GPHN: variants seen among roughly 807,000 people sequenced by gnomAD.
The protein encoded by GPHN is gephyrin.
Under a neutral mutation model 95.5 loss-of-function variants are expected in GPHN, and 17 were observed. The observed-to-expected ratio is 0.18, with a 90% CI of 0.12 to 0.27. The LOEUF (loss-of-function observed/expected upper bound fraction) is 0.27, where lower values mean the gene tolerates loss of function less well. Among genes scored for constraint, GPHN ranks in the 10% least tolerant of loss-of-function variants. GPHN has a pLI of 1.00. For missense variants in GPHN, 660 were observed against 978.1 expected (o/e 0.67, Z 4.34); for synonymous variants, 320 against 322.5 (o/e 0.99, Z 0.08).
chr14:67,137,587 A>G (rs2080171364), intron 17 of GPHN, among the ~76,000 whole-genome samples: 1 of 150,486 alleles, frequency 6.6e-6, no homozygotes, highest in Non-Finnish European at 1.5e-5. Flanking sequence ...AACATGGTGA[A>G]ACCCTGTCTA....
At chr14:67,574,473 CG>C in the GPHN span, 1 of 1,290,306 alleles carries the variant, frequency 7.8e-7, no homozygotes, top group Non-Finnish European at 1.0e-6. The surrounding 1 kb of genome is among the most constrained non-coding windows in gnomAD (Gnocchi z 4.2). Flanking sequence ...ATTGGGGTGC[CG>C]AGGGTGGTGG....
the GPHN span, among the ~76,000 whole-genome samples, chr14:67,266,939 A>G: frequency 6.6e-6 from 1 of 151,758 alleles, no homozygotes; most frequent in African/African-American, 2.4e-5. Context: ...GTGAAACCCT[A>G]TCTCTACTAA....
At chr14:67,242,798 T>A in the GPHN span, among the ~76,000 whole-genome samples, 1 of 152,190 alleles carries the variant, frequency 6.6e-6, no homozygotes, top group South Asian at 2.1e-4. Flanking sequence ...CTGGTAAATT[T>A]TACCATGTAC....
the GPHN span, chr14:67,651,489 G>A: frequency 6.2e-7 from 1 of 1,613,316 alleles, no homozygotes; most frequent in Non-Finnish European, 8.5e-7. Context: ...ACTCTACAAA[G>A]AGAAGCAAAG....
intron 2 of GPHN, among the ~76,000 whole-genome samples, chr14:66,700,347 G>A (rs2068444185): frequency 6.6e-6 from 1 of 152,158 alleles, no homozygotes; most frequent in Non-Finnish European, 1.5e-5. Context: ...CTGTGTGAGA[G>A]AAGTAAAATA....
chr14:67,223,342 T>C, the GPHN span, among the ~76,000 whole-genome samples: 1 of 152,228 alleles, frequency 6.6e-6, no homozygotes, highest in Non-Finnish European at 1.5e-5. Context: ...TGAACTTCAC[T>C]GTAATGTGGT....
At chr14:67,200,372 C>T in the GPHN span, 7 of 622,670 alleles carry the variant, frequency 1.1e-5, no homozygotes, top group South Asian at 7.5e-5. Context: ...AATATCTTTT[C>T]GATACCTTGG....
chr14:67,191,881 A>G, the GPHN span, among the ~76,000 whole-genome samples: 1 of 152,256 alleles, frequency 6.6e-6, no homozygotes, highest in Non-Finnish European at 1.5e-5. Flanking sequence ...ACACTTTGTC[A>G]AATGAAAACT....
intron 8 of GPHN, among the ~76,000 whole-genome samples, chr14:66,940,242 AG>A (rs1322462851): frequency 6.6e-6 from 1 of 151,268 alleles, no homozygotes; most frequent in African/African-American, 2.4e-5. Flanking sequence ...AAAAAAAAAA[AG>A]AAGGCGTTTT....
At chr14:67,477,299 C>T in the GPHN span, among the ~76,000 whole-genome samples, 1 of 152,212 alleles carries the variant, frequency 6.6e-6, no homozygotes, top group Non-Finnish European at 1.5e-5. Context: ...CAATCCAGCT[C>T]TTCCTGTCTT....
At chr14:67,271,402 C>A in the GPHN span, 2 of 152,238 alleles carry the variant, frequency 1.3e-5, no homozygotes, top group African/African-American at 2.4e-5. Context: ...GTTTGGCCTT[C>A]TGCTGGGCAA....
chr14:66,611,493 AT>A (rs2062782443), intron 1 of GPHN, among the ~76,000 whole-genome samples: 1 of 152,140 alleles, frequency 6.6e-6, no homozygotes, highest in Non-Finnish European at 1.5e-5. Flanking sequence ...TTTTGCTTTT[AT>A]AGTAGTTCCA....
chr14:66,756,655 T>A (rs1444526880), intron 2 of GPHN, among the ~76,000 whole-genome samples: 1 of 152,224 alleles, frequency 6.6e-6, no homozygotes, highest in East Asian at 1.9e-4. Flanking sequence ...TACTGTCTTT[T>A]GGATGGCAAC....
chr14:66,625,084 TC>T (rs760386168), intron 1 of GPHN, among the ~76,000 whole-genome samples: 6 of 152,054 alleles, frequency 3.9e-5, no homozygotes, highest in Non-Finnish European at 7.4e-5. Context: ...TCTTTTTTTT[TC>T]TTCTTCTTCT....
At chr14:67,361,359 C>A in the GPHN span, among the ~76,000 whole-genome samples, 1 of 152,206 alleles carries the variant, frequency 6.6e-6, no homozygotes, top group Non-Finnish European at 1.5e-5. Flanking sequence ...ATTCTTAGTT[C>A]ATCTGGTGCC....
At chr14:67,390,655 G>A in the GPHN span, 191 of 1,589,748 alleles carry the variant, frequency 1.2e-4, no homozygotes, top group Non-Finnish European at 1.6e-4. Context: ...GCCAGCATGC[G>A]CACTCACTTT....
chr14:67,498,757 C>G, the GPHN span, among the ~76,000 whole-genome samples: 1 of 152,130 alleles, frequency 6.6e-6, no homozygotes, highest in Admixed American at 6.5e-5. Flanking sequence ...CCTCCATCTC[C>G]TGGGTTCAAG....
Position 66,651,077 on chromosome 14 carries a change from A to T in GPHN, c.65-30030A>T, listed in dbSNP as rs185239111. 2.0e-5 allele frequency among the ~76,000 whole-genome samples: 3 copies of T among 152,274 alleles called. No homozygotes were observed. The East Asian group carries it at 5.8e-4, about 29-fold the overall frequency. ...ACACACATCTTCTCTAATACACAGG[A>T]GTGAGATGGTTTTCTAAAGGTAGAT... On this transcript the variant is annotated intron_variant, in intron 1 of 22. Coordinates refer to ENST00000478722, the MANE Select transcript of GPHN (RefSeq NM_020806.5).
At chr14:66,927,909 T>C (rs2066571389) in intron 8 of GPHN, among the ~76,000 whole-genome samples, 1 of 152,196 alleles carries the variant, frequency 6.6e-6, no homozygotes, top group Admixed American at 6.5e-5. Flanking sequence ...TGATGAATGA[T>C]GTTTTTAATG....
Sources: allele counts gnomAD v4.1 joint callset (sites outside exome capture counted in the v4.1 genomes callset), GRCh38; gene constraint gnomAD v4.1.1; non-coding constraint Gnocchi (gnomAD v3.1); transcripts MANE v1.5; gene names NCBI Gene and HGNC (gene_info 2026-07-23, HGNC 2026-07-21).